The following FRMD4B variants were observed in gnomAD, a reference collection of about 807,000 sequenced individuals.
The protein encoded by FRMD4B is FERM domain-containing protein 4B.
In FRMD4B, 74 loss-of-function variants were observed where a neutral mutation model predicts 141.5. The ratio of observed to expected loss-of-function variants is 0.52; its 90% CI spans 0.43 to 0.63. The LOEUF (loss-of-function observed/expected upper bound fraction) is 0.63. FRMD4B is among the 30% of genes least tolerant of loss of function. The pLI is 0.00. For missense variants in FRMD4B, 1,366 were observed against 1,253.4 expected (o/e 1.09, Z -1.36); for synonymous variants, 506 against 467.9 (o/e 1.08, Z -1.05).
At chr3:69,537,539 C>T (rs867677851) in intron 1 of FRMD4B, among the ~76,000 whole-genome samples, 69 of 152,288 alleles carry the variant, frequency 4.5e-4, no homozygotes, top group Middle Eastern at 3.4e-3. Flanking sequence ...AACAGGATCA[C>T]GATCACCCCC....
At chr3:69,288,211 T>C (rs1429851891) in intron 4 of FRMD4B, among the ~76,000 whole-genome samples, 1 of 152,270 alleles carries the variant, frequency 6.6e-6, no homozygotes, top group East Asian at 1.9e-4. Context: ...AGTTGAAAGC[T>C]GAAGTCGGCT....
intron 1 of FRMD4B, among the ~76,000 whole-genome samples, chr3:69,492,696 G>T (rs895472212): frequency 6.6e-6 from 1 of 152,134 alleles, no homozygotes; most frequent in African/African-American, 2.4e-5. Context: ...TAAAGTGAAG[G>T]CACAACTATA....
chr3:69,455,501 G>C (rs917465780), intron 1 of FRMD4B, among the ~76,000 whole-genome samples: 8 of 152,136 alleles, frequency 5.3e-5, no homozygotes, highest in Non-Finnish European at 1.2e-4. Flanking sequence ...GTGAAGGTCT[G>C]CAGCTTCCCT....
chr3:69,470,828 G>A (rs1575813819), intron 1 of FRMD4B, among the ~76,000 whole-genome samples: 1 of 152,270 alleles, frequency 6.6e-6, no homozygotes, highest in East Asian at 1.9e-4. Flanking sequence ...CAATTCATAT[G>A]ATCAATTTGC....
At chr3:69,517,673 T>C (rs1039882077) in intron 1 of FRMD4B, among the ~76,000 whole-genome samples, 6 of 152,084 alleles carry the variant, frequency 3.9e-5, no homozygotes, top group Non-Finnish European at 8.8e-5. Context: ...CTGACTCCAA[T>C]CTTCTGCTTT....
chr3:69,449,149 T>G (rs1705454346), intron 1 of FRMD4B, among the ~76,000 whole-genome samples: 1 of 152,212 alleles, frequency 6.6e-6, no homozygotes, highest in Non-Finnish European at 1.5e-5. Flanking sequence ...TCTCAAGATC[T>G]ATAAATGCAA....
At chr3:69,514,208 G>T (rs146236476) in intron 1 of FRMD4B, among the ~76,000 whole-genome samples, 1,540 of 152,256 alleles carry the variant, frequency 0.01, 28 homozygotes, top group African/African-American at 0.035. Flanking sequence ...CAGCAAGATT[G>T]CAGGATACAA....
intron 1 of FRMD4B, among the ~76,000 whole-genome samples, chr3:69,360,493 A>G (rs1036452890): frequency 6.6e-6 from 1 of 151,988 alleles, no homozygotes; most frequent in African/African-American, 2.4e-5. Context: ...GAATCAAAAT[A>G]AAAAAAAGCT....
intron 1 of FRMD4B, among the ~76,000 whole-genome samples, chr3:69,371,368 G>A (rs1484705892): frequency 6.6e-6 from 1 of 152,174 alleles, no homozygotes; most frequent in Non-Finnish European, 1.5e-5. Flanking sequence ...GGAGTTGGGA[G>A]GAGCCTAGGT....
chr3:69,464,034 G>A (rs932501022), intron 1 of FRMD4B, among the ~76,000 whole-genome samples: 1 of 152,152 alleles, frequency 6.6e-6, no homozygotes, highest in Non-Finnish European at 1.5e-5. Context: ...GATCCATTTG[G>A]AAAAGTACAG....
intron 4 of FRMD4B, among the ~76,000 whole-genome samples, chr3:69,297,447 G>A (rs1182765853): frequency 6.6e-6 from 1 of 152,122 alleles, no homozygotes; most frequent in Non-Finnish European, 1.5e-5. Context: ...GAAAGAGGAG[G>A]AGGAAAAGAA....
At chr3:69,339,901 A>T (rs887168430) in intron 1 of FRMD4B, among the ~76,000 whole-genome samples, 1 of 152,078 alleles carries the variant, frequency 6.6e-6, no homozygotes, top group African/African-American at 2.4e-5. Flanking sequence ...AGAGCCAACC[A>T]ATTAGGTTCT....
At chr3:69,263,089 T>C (rs2093538454) in intron 5 of FRMD4B, among the ~76,000 whole-genome samples, 1 of 151,710 alleles carries the variant, frequency 6.6e-6, no homozygotes, top group Non-Finnish European at 1.5e-5. Flanking sequence ...TGAAACCCCG[T>C]CTCTACTAAA....
chr3:69,302,386 A>G lies in FRMD4B; in HGVS notation c.373T>C (p.Leu125=). 1 of 1,609,876 alleles carries G rather than the reference A, an allele frequency of 6.2e-7. No individual in the cohort carries two copies. The change falls in exon 4 of 23, where the codon TTG becomes CTG. Residue 125 remains leucine, a synonymous_variant. Coordinates refer to ENST00000398540, the MANE Select transcript of FRMD4B (RefSeq NM_015123.3). ...QLDHRVLDHD[L]PKKPGPTILH... ...ATGGTTGGGCCTGGTTTCTTGGGCA[A>G]ATCGTGGTCAAGAACTCGGTGATCT...
chr3:69,181,389 A>G lies in FRMD4B; in HGVS notation c.2361T>C (p.Ser787=). The G allele has an allele frequency of 6.2e-7, 1 of 1,613,804 alleles. No homozygotes were observed. Among genetic ancestry groups the G allele is most frequent in the South Asian group, 1.1e-5 (1 of 91,072 alleles). ...TCTTTGAGTAAACACCATTCCTCAA[A>G]CTATCCTTTTGTGCTAGGTTGGGCA... ...GSMPNLAQKD[S]LRNGVYSKSQ... Residue 787 remains serine (S), a synonymous_variant, in exon 21 of 23, where the codon AGT becomes AGC. Coordinates refer to ENST00000398540, the MANE Select transcript of FRMD4B (RefSeq NM_015123.3).
At chr3:69,529,087 G>A (rs1441527523) in intron 1 of FRMD4B, among the ~76,000 whole-genome samples, 1 of 152,128 alleles carries the variant, frequency 6.6e-6, no homozygotes, top group Admixed American at 6.5e-5. Context: ...CCATGGCCAG[G>A]GCAAAGATGT....
At chr3:69,481,849 G>C (rs950670648) in intron 1 of FRMD4B, among the ~76,000 whole-genome samples, 2 of 152,162 alleles carry the variant, frequency 1.3e-5, no homozygotes, top group Non-Finnish European at 2.9e-5. Context: ...GCAGAAAAGA[G>C]GGTACTAGAG....
At chr3:69,448,592 A>G (rs1411098046) in intron 1 of FRMD4B, among the ~76,000 whole-genome samples, 1 of 152,156 alleles carries the variant, frequency 6.6e-6, no homozygotes, top group African/African-American at 2.4e-5. Flanking sequence ...TCTCACTGTG[A>G]TTTGAGTTTG....
At chr3:69,237,778 T>C (rs2093355152) in intron 7 of FRMD4B, among the ~76,000 whole-genome samples, 1 of 152,256 alleles carries the variant, frequency 6.6e-6, no homozygotes, top group Non-Finnish European at 1.5e-5. Flanking sequence ...TCATCCAGGC[T>C]AGAGTGCAGT....
Sources: allele counts gnomAD v4.1 joint callset (sites outside exome capture counted in the v4.1 genomes callset), GRCh38; gene constraint gnomAD v4.1.1; transcripts MANE v1.5; gene names NCBI Gene and HGNC (gene_info 2026-07-23, HGNC 2026-07-21).